PLD2: variants seen among roughly 807,000 people sequenced by gnomAD.
PLD2 encodes phospholipase D2, also known as choline phosphatase 2.
In PLD2, 101 loss-of-function variants were observed where a neutral mutation model predicts 119.8. The observed-to-expected ratio is 0.84, with a 90% CI of 0.72 to 0.99. The LOEUF is 0.99. Ranked by LOEUF, PLD2 falls within the 50% of genes least tolerant of loss-of-function variation. PLD2 has a pLI of 0.00. For missense variants in PLD2, 1,164 were observed against 1,226.8 expected (o/e 0.95, Z 0.76); for synonymous variants, 494 against 482.8 (o/e 1.02, Z -0.30).
At chr17:4,815,419 T>C in intron 12 of PLD2, 57 bp from the exon 13 acceptor site, 4 of 1,047,210 alleles carry the variant, frequency 3.8e-6, no homozygotes, top group Non-Finnish European at 6.0e-6. Context: ...TTTGGGAGTG[T>C]GGAAAGGGGC....
Position 4,810,012 on chromosome 17 carries a change from G to C in PLD2, c.843G>C (p.Arg281=). 1 of 1,613,154 alleles carries C rather than the reference G, an allele frequency of 6.2e-7. No homozygotes were observed. Among genetic ancestry groups the C allele is most frequent in the African/African-American group, 1.3e-5 (1 of 75,034 alleles). ...KRSTEARHGV[R]IDTSHRSLIL... ...GCACGGAGGCACGGCACGGCGTGCG[G>C]ATCGATACCTCCCACAGGTGAGGCC... is the stretch of plus-strand genomic sequence containing the variant. The change falls in exon 9 of 25, where the codon CGG becomes CGC. Residue 281 remains arginine (R), a synonymous_variant. Transcript: ENST00000263088.
At chr17:4,809,236 G>A (rs757377582) in intron 5 of PLD2, 31 bp downstream of exon 5, 51 of 1,610,924 alleles carry the variant, frequency 3.2e-5, no homozygotes, top group Non-Finnish European at 4.2e-5. Flanking sequence ...CTCCGGGAAG[G>A]CATTGGAGGT....
intron 10 of PLD2, among the ~76,000 whole-genome samples, chr17:4,812,294 G>GTTTTTT (rs1491465483): frequency 1.6e-5 from 2 of 125,960 alleles, no homozygotes; most frequent in Non-Finnish European, 3.2e-5. Flanking sequence ...TTTTTGTTTT[G>GTTTTTT]GTTTTTTTTT....
Position 4,808,128 on chromosome 17 carries a change from C to A in PLD2, c.240+14C>A, listed in dbSNP as rs1362391750. On this transcript the variant is annotated intron_variant, in intron 3 of 24. Transcript: ENST00000263088. The surrounding 1 kb of genome is among the most constrained non-coding windows in gnomAD (Gnocchi z 4.1). ...AGCGGATCCAAGGTGGCCAGACTGGCCCCAGGGAGGGGGAAAGGGAGGGCG... is the reference window on the plus strand; with the variant it reads ...AGCGGATCCAAGGTGGCCAGACTGGACCCAGGGAGGGGGAAAGGGAGGGCG... The A allele has an allele frequency of 3.1e-6, 5 of 1,602,164 alleles. No homozygotes were observed. Among genetic ancestry groups the A allele is most frequent in the Non-Finnish European group, 4.3e-6 (5 of 1,170,740 alleles).
rs748191924 is a variant in PLD2, at chr17:4,809,996, C to A, written c.827C>A (p.Ala276Glu). The change falls in exon 9 of 25, where the codon GCA (alanine) becomes GAA (glutamate). Residue 276 changes from alanine (A) to glutamate (E), a missense_variant. Physicochemically the swap from Ala to Glu is moderately radical, Grantham distance 107. Coordinates refer to ENST00000263088, the MANE Select transcript of PLD2 (RefSeq NM_002663.5). ...CAAGTGGGGAAAAGGAGCACGGAGG[C>A]ACGGCACGGCGTGCGGATCGATACC... ...EVQVGKRSTE[A>E]RHGVRIDTSH... 3 of 1,613,722 alleles carry A rather than the reference C, an allele frequency of 1.9e-6. No individual in the cohort carries two copies. The highest frequency in any genetic ancestry group is 2.5e-6 in the Non-Finnish European group (3 of 1,180,032).
At chr17:4,812,067 G>A (rs558431742) in intron 10 of PLD2, among the ~76,000 whole-genome samples, 7 of 151,214 alleles carry the variant, frequency 4.6e-5, no homozygotes, top group Non-Finnish European at 8.8e-5. Context: ...ATCCTGCCTC[G>A]GCCTCCCCAA....
chr17:4,822,752 C>A lies in PLD2; in HGVS notation c.2690C>A (p.Thr897Asn), dbSNP rs757236839. Residue 897 changes from threonine (T) to asparagine (N), a missense_variant, in exon 25 of 25, where the codon ACC (threonine) becomes AAC (asparagine). Thr to Asn is a moderately conservative substitution (Grantham distance 65, BLOSUM62 0). Coordinates refer to ENST00000263088, the MANE Select transcript of PLD2 (RefSeq NM_002663.5). ...VSPPLARSEL[T>N]QVQGHLVHFP... ...CCCCCCTTGGCTCGGTCTGAGCTCA[C>A]CCAGGTCCAGGGCCACCTGGTCCAC... 6.9e-5 allele frequency: 111 copies of A among 1,613,696 alleles called. No individual in the cohort carries two copies. Among genetic ancestry groups the A allele is most frequent in the South Asian group, 3.2e-4 (29 of 91,086 alleles).
At position 4,807,919 on chromosome 17, in the gene PLD2, G is replaced by T. The variant is rs1031379837; in HGVS notation, c.109+38G>T. 2.2e-5 allele frequency: 35 copies of T among 1,607,454 alleles called. No individual in the cohort carries two copies. The highest frequency in any genetic ancestry group is 2.8e-5 in the Non-Finnish European group (33 of 1,174,780). ...GATGGATGGCCCTCAGGGAGGAGAG[G>T]CGTTCGGGAGCCAGGGGGCTGGGGC... On this transcript the variant is annotated intron_variant, in intron 2 of 24. Transcript: ENST00000263088. This position sits in a 1 kb window ranked among gnomAD's most constrained non-coding sequence, Gnocchi z 5.4.
At chr17:4,811,297 CTTTTTTT>C (rs35190261) in intron 10 of PLD2, among the ~76,000 whole-genome samples, 4 of 77,850 alleles carry the variant, frequency 5.1e-5, no homozygotes, top group South Asian at 4.8e-4. Flanking sequence ...ATTTTCTTTT[CTTTTTTT>C]TTTTTTTTTT....
chr17:4,810,801 G>A lies in PLD2; in HGVS notation c.861-1G>A, dbSNP rs1416654337. The A allele has an allele frequency of 3.1e-6, 5 of 1,610,964 alleles. No individual in the cohort carries two copies. The East Asian group carries it at 8.9e-5, about 29-fold the overall frequency. On this transcript the variant is annotated splice_acceptor_variant, in intron 9 of 24. Transcript: ENST00000263088. LOFTEE classifies it high-confidence loss of function. ...ATGGACATCTCATCGTTCCCATCCAGGTCCTTGATTCTCAAGTGCAGCAGC... is the reference window on the plus strand; with the variant it reads ...ATGGACATCTCATCGTTCCCATCCAAGTCCTTGATTCTCAAGTGCAGCAGC...
chr17:4,809,676 C>T lies in PLD2; in HGVS notation c.615-15C>T, dbSNP rs1014426126. On this transcript the variant is annotated splice_polypyrimidine_tract_variant and intron_variant, in intron 7 of 24. Coordinates refer to ENST00000263088, the MANE Select transcript of PLD2 (RefSeq NM_002663.5). ...TGGAGTCCTCATCCCGCCTCTCTTC[C>T]TGATTGTCCCACAGGGAGGGGATGA... The T allele has an allele frequency of 1.9e-6, 3 of 1,613,768 alleles. No homozygotes were observed. In the African/African-American group the frequency reaches 4.0e-5, roughly 22 times the overall value.
chr17:4,814,523 C>A (rs759686463), intron 11 of PLD2, 22 bp downstream of exon 11: 1 of 1,612,854 alleles, frequency 6.2e-7, no homozygotes, highest in South Asian at 1.1e-5. Context: ...AAGGCCCCAA[C>A]AACATGGGGC....
intron 10 of PLD2, among the ~76,000 whole-genome samples, chr17:4,811,895 A>C (rs1906512873): frequency 6.6e-6 from 1 of 151,988 alleles, no homozygotes; most frequent in African/African-American, 2.4e-5. Flanking sequence ...GCTCACGGCA[A>C]CTTCAACCTC....
chr17:4,809,567 C>G lies in PLD2; in HGVS notation c.614+16C>G, dbSNP rs372650689. On this transcript the variant is annotated intron_variant, in intron 7 of 24. Transcript: ENST00000263088. ...GCAAAGGACTGTGAGTGTCTGGCCC[C>G]CTTCACCCAGGCATCCGTAGACATC... 8 of 1,605,402 alleles carry G rather than the reference C, an allele frequency of 5.0e-6. No individual in the cohort carries two copies. The African/African-American group carries it at 1.1e-4, about 21-fold the overall frequency.
At chr17:4,816,349 C>A (rs1037594560) in intron 14 of PLD2, among the ~76,000 whole-genome samples, 29 of 150,970 alleles carry the variant, frequency 1.9e-4, no homozygotes, top group Admixed American at 4.0e-4. Context: ...TGCCATTGTA[C>A]TCCACCCTGG....
intron 17 of PLD2, 123 bp downstream of exon 17, chr17:4,817,382 G>T (rs1349908443): frequency 6.7e-6 from 5 of 750,324 alleles, no homozygotes; most frequent in Non-Finnish European, 1.2e-5. Context: ...GCACATCACG[G>T]CCAGGCACGG....
chr17:4,815,853 G>T lies in PLD2; in HGVS notation c.1374G>T (p.Leu458=). The part of the protein sequence containing the change: ...VDQVVAFLGG[L]DLAYGRWDDL... ...AAGTGGTAGCATTCCTGGGGGGACT[G>T]GACCTTGCCTATGGCCGCTGGGATG... Residue 458 remains leucine, a synonymous_variant, in exon 14 of 25, where the codon CTG becomes CTT. Coordinates refer to ENST00000263088, the MANE Select transcript of PLD2 (RefSeq NM_002663.5). 1 of 1,614,134 alleles carries T rather than the reference G, an allele frequency of 6.2e-7. No homozygotes were observed. The highest frequency in any genetic ancestry group is 1.1e-5 in the South Asian group (1 of 91,082).
At chr17:4,817,288 C>T (rs1253661994) in intron 17 of PLD2, 29 bp downstream of exon 17, 1 of 1,384,886 alleles carries the variant, frequency 7.2e-7, no homozygotes, top group East Asian at 2.3e-5. Flanking sequence ...GCCAGCCCTC[C>T]CCTTTGTCTC....
rs1268848107 is a variant in PLD2 at position 4,818,506 on chromosome 17, T to G, written c.2022T>G (p.Cys674Trp). ...ACCCCCTCCCCAGACAGGGGTGGTGTTACCGAGTCTACGTGCTTTTGCCCT... is the reference window on the plus strand; with the variant it reads ...ACCCCCTCCCCAGACAGGGGTGGTGGTACCGAGTCTACGTGCTTTTGCCCT... ...RILKAHKQGWCYRVYVLLPLL... is the reference protein window; with the variant it reads ...RILKAHKQGWWYRVYVLLPLL... The change falls in exon 20 of 25, where the codon TGT becomes TGG. Residue 674 changes from cysteine (C) to tryptophan (W), a missense_variant. Coordinates refer to ENST00000263088, the MANE Select transcript of PLD2 (RefSeq NM_002663.5). The G allele has an allele frequency of 1.2e-6, 2 of 1,613,470 alleles. No individual in the cohort carries two copies. The highest frequency in any genetic ancestry group is 2.7e-5 in the African/African-American group (2 of 74,864).
Sources: gnomAD v4.1 joint callset for allele counts (sites outside exome capture counted in the v4.1 genomes callset) on GRCh38, gnomAD v4.1.1 for gene constraint, Gnocchi (gnomAD v3.1) non-coding constraint, MANE v1.5 for transcripts, NCBI Gene and HGNC (gene_info 2026-07-23, HGNC 2026-07-21) for gene names.